SPATS2: variants seen among roughly 807,000 people sequenced by gnomAD.
SPATS2 encodes spermatogenesis associated serine rich 2, also known as spermatogenesis-associated serine-rich protein 2.
In SPATS2, 38 loss-of-function variants were observed where a neutral mutation model predicts 63.7. That is an observed-to-expected ratio of 0.60 (90% CI 0.46 to 0.78). The LOEUF (loss-of-function observed/expected upper bound fraction) is 0.78, where lower values mean the gene tolerates loss of function less well. Ranked by LOEUF, SPATS2 falls within the 30% of genes least tolerant of loss-of-function variation. SPATS2 has a pLI of 0.00. For missense variants in SPATS2, 588 were observed against 666.2 expected, an observed-to-expected ratio of 0.88 and a Z score of 1.29; for synonymous variants, 207 against 232.9, an observed-to-expected ratio of 0.89 and a Z score of 1.01.
chr12:49,387,786 T>TG (rs1339874295), intron 2 of SPATS2, among the ~76,000 whole-genome samples: 1 of 150,634 alleles, frequency 6.6e-6, no homozygotes, highest in African/African-American at 2.4e-5. Flanking sequence ...GAGGTGAGGG[T>TG]GGGAGTGTGG....
chr12:49,462,397 G>T (rs1295691010), intron 3 of SPATS2: 1 of 702,416 alleles, frequency 1.4e-6, no homozygotes, highest in Admixed American at 2.0e-5. Flanking sequence ...AGGCTGTGGG[G>T]TGCCTGTGAC....
At chr12:49,468,444 A>ACCG (rs1364044409) in intron 3 of SPATS2, among the ~76,000 whole-genome samples, 1 of 149,160 alleles carries the variant, frequency 6.7e-6, no homozygotes. Flanking sequence ...ACAGGCGTGA[A>ACCG]CCACTGTGCC....
chr12:49,425,146 C>G (rs1160682438), intron 2 of SPATS2, among the ~76,000 whole-genome samples: 3 of 152,034 alleles, frequency 2.0e-5, no homozygotes, highest in African/African-American at 7.2e-5. Context: ...AGAGTGAGAA[C>G]TCTTAGAGAC....
rs1224757771 is a variant in SPATS2, at chr12:49,461,008, C to T, written c.-5C>T. ...TGTATATTTTTTGAGATCGAAGAAA[C>T]GACAATGTCCAGGAAACAGAACCAG... On this transcript the variant is annotated 5_prime_UTR_variant, in exon 3 of 14. The change creates a new upstream start codon in the 5' untranslated region. Transcript: ENST00000552918. 7.4e-6 allele frequency: 12 copies of T among 1,613,586 alleles called. No homozygotes were observed. Among genetic ancestry groups the T allele is most frequent in the South Asian group, 2.2e-5 (2 of 90,994 alleles).
At chr12:49,525,417 A>G (rs751685967) in intron 13 of SPATS2, among the ~76,000 whole-genome samples, 13 of 152,218 alleles carry the variant, frequency 8.5e-5, no homozygotes, top group African/African-American at 1.7e-4. Context: ...CAGAACTGGT[A>G]TGATGTTTGG....
At chr12:49,403,594 TACACACACAC>T (rs5798102) in intron 2 of SPATS2, among the ~76,000 whole-genome samples, 2,547 of 128,472 alleles carry the variant, frequency 0.02, 25 homozygotes, top group Middle Eastern at 0.033. Flanking sequence ...TGCCACTGTC[TACACACACAC>T]ACACACACAC....
At chr12:49,409,869 G>A (rs1314743750) in intron 2 of SPATS2, among the ~76,000 whole-genome samples, 1 of 151,824 alleles carries the variant, frequency 6.6e-6, no homozygotes, top group Non-Finnish European at 1.5e-5. Flanking sequence ...TCCTAAAGTG[G>A]TAGGATTACA....
chr12:49,373,759 T>C (rs1168813868), intron 2 of SPATS2, among the ~76,000 whole-genome samples: 1 of 152,168 alleles, frequency 6.6e-6, no homozygotes, highest in Non-Finnish European at 1.5e-5. Context: ...ACCCTGTCTC[T>C]AATAAAAATA....
intron 2 of SPATS2, among the ~76,000 whole-genome samples, chr12:49,392,095 G>T (rs1237796820): frequency 6.6e-6 from 1 of 152,220 alleles, no homozygotes; most frequent in African/African-American, 2.4e-5. Flanking sequence ...GTCTGAGGCA[G>T]TTCATTGAGG....
chr12:49,496,628 G>T (rs547710052), intron 7 of SPATS2, among the ~76,000 whole-genome samples: 1 of 152,240 alleles, frequency 6.6e-6, no homozygotes, highest in African/African-American at 2.4e-5. Context: ...CATTCCGGAC[G>T]CCACTTAAGA....
At chr12:49,443,753 A>G (rs1287693196) in intron 2 of SPATS2, among the ~76,000 whole-genome samples, 1 of 152,174 alleles carries the variant, frequency 6.6e-6, no homozygotes, top group East Asian at 1.9e-4. Context: ...TCTTTTCCCT[A>G]TTGAATATCT....
chr12:49,490,437 C>T (rs1592451189), intron 5 of SPATS2: 1 of 470,436 alleles, frequency 2.1e-6, no homozygotes, highest in South Asian at 3.1e-5. Context: ...CTACATTAGT[C>T]TCTTCTTAGA....
intron 2 of SPATS2, among the ~76,000 whole-genome samples, chr12:49,446,683 G>C (rs1592404422): frequency 6.6e-6 from 1 of 152,198 alleles, no homozygotes; most frequent in Non-Finnish European, 1.5e-5. Context: ...GCTCTAGCCA[G>C]AGAAATTTCT....
At chr12:49,504,229 A>C (rs569347732) in intron 9 of SPATS2, among the ~76,000 whole-genome samples, 1 of 152,354 alleles carries the variant, frequency 6.6e-6, no homozygotes, top group South Asian at 2.1e-4. Flanking sequence ...TAGGGAAATT[A>C]TACAGATAAC....
chr12:49,507,123 CA>C (rs902436957), intron 9 of SPATS2, among the ~76,000 whole-genome samples: 3 of 152,158 alleles, frequency 2.0e-5, no homozygotes, highest in Non-Finnish European at 4.4e-5. Flanking sequence ...TTTTGTGATT[CA>C]GAAGGTCCTA....
chr12:49,520,438 C>G (rs7307401), intron 11 of SPATS2, among the ~76,000 whole-genome samples: 1 of 152,000 alleles, frequency 6.6e-6, no homozygotes, highest in African/African-American at 2.4e-5. Flanking sequence ...CCTTGACCTC[C>G]TCATCCTTCC....
At chr12:49,474,610 AAC>A (rs1467347513) in intron 3 of SPATS2, among the ~76,000 whole-genome samples, 3 of 152,246 alleles carry the variant, frequency 2.0e-5, no homozygotes, top group Non-Finnish European at 4.4e-5. Flanking sequence ...TATGAAATGA[AAC>A]ACAGATTTAA....
intron 9 of SPATS2, among the ~76,000 whole-genome samples, chr12:49,504,754 TTTTC>T (rs60002183): frequency 2.2e-4 from 30 of 134,656 alleles, no homozygotes; most frequent in African/African-American, 4.3e-4. Context: ...TTCCTGTTTC[TTTTC>T]TTTCTTTCTT....
intron 6 of SPATS2, among the ~76,000 whole-genome samples, chr12:49,493,397 C>CTTT (rs577929812): frequency 2.9e-5 from 4 of 139,096 alleles, no homozygotes; most frequent in African/African-American, 7.9e-5. Context: ...ACTGAAACAT[C>CTTT]TTTTTTTTTT....
Sources: allele counts gnomAD v4.1 joint callset (sites outside exome capture counted in the v4.1 genomes callset), GRCh38; gene constraint gnomAD v4.1.1; transcripts MANE v1.5; gene names NCBI Gene and HGNC (gene_info 2026-07-23, HGNC 2026-07-21).